ARFGAP2: variants seen among roughly 807,000 people sequenced by gnomAD.
ARFGAP2 encodes the protein ADP-ribosylation factor GTPase-activating protein 2.
Under a neutral mutation model 71.9 loss-of-function variants are expected in ARFGAP2, and 45 were observed. The observed-to-expected ratio is 0.63, with a 90% CI of 0.49 to 0.80. The LOEUF is 0.80. Among genes scored for constraint, ARFGAP2 ranks in the 30% least tolerant of loss-of-function variants. The probability of loss-of-function intolerance (pLI) is 0.00; values close to 1 mark genes in which losing one functional copy is unlikely to be tolerated. For missense variants in ARFGAP2, 633 were observed against 673.9 expected, an observed-to-expected ratio of 0.94 and a Z score of 0.67; for synonymous variants, 248 against 249.2, an observed-to-expected ratio of 1.00 and a Z score of 0.05.
Position 47,175,311 on chromosome 11 carries a change from C to A in ARFGAP2, c.267G>T (p.Thr89=). Residue 89 remains threonine (T), a splice_region_variant and synonymous_variant, in exon 4 of 16, where the codon ACG becomes ACT. Coordinates refer to ENST00000524782, the MANE Select transcript of ARFGAP2 (RefSeq NM_032389.6). Reference sequence around the variant, plus strand: ...TGCATCCATGTTGGCGAAAAAAAGCCGTCTGGAGAGCAAAGAAGAGAGCAG... The same window carrying A: ...TGCATCCATGTTGGCGAAAAAAAGCAGTCTGGAGAGCAAAGAAGAGAGCAG... ...CMQVGGNANA[T]AFFRQHGCTA... is the part of the protein sequence containing the mutation. 3 of 1,614,034 alleles carry A rather than the reference C, an allele frequency of 1.9e-6. No homozygotes were observed. The highest frequency in any genetic ancestry group is 1.1e-5 in the South Asian group (1 of 91,044).
chr11:47,172,413 T>A (rs972431386), intron 7 of ARFGAP2, 80 bp from the exon 8 acceptor site: 4 of 1,497,804 alleles, frequency 2.7e-6, no homozygotes, highest in African/African-American at 1.4e-5. Context: ...TGCAGCTTCA[T>A]GGCAAGAGCT....
At chr11:47,172,635 G>T in intron 7 of ARFGAP2, 1 of 1,326,886 alleles carries the variant, frequency 7.5e-7, no homozygotes. Context: ...GGGAGCATAT[G>T]GTGAGCACCA....
At chr11:47,167,775 A>C in intron 12 of ARFGAP2, 134 bp downstream of exon 12, 1 of 1,149,742 alleles carries the variant, frequency 8.7e-7, no homozygotes, top group Non-Finnish European at 1.2e-6. Flanking sequence ...AGTAGTGGCT[A>C]CCATATTAAA....
intron 10 of ARFGAP2, among the ~76,000 whole-genome samples, chr11:47,168,883 T>C (rs1952491969): frequency 6.6e-6 from 1 of 151,312 alleles, no homozygotes; most frequent in Non-Finnish European, 1.5e-5. Flanking sequence ...AACAACTCCC[T>C]ACCTTGTGCA....
intron 10 of ARFGAP2, among the ~76,000 whole-genome samples, chr11:47,171,057 G>A (rs908563696): frequency 1.3e-5 from 2 of 152,124 alleles, no homozygotes; most frequent in Admixed American, 6.5e-5. Flanking sequence ...ATTACAGGGA[G>A]CACAAATGGC....
chr11:47,173,399 C>T lies in ARFGAP2; in HGVS notation c.619+27G>A. 4 of 1,551,868 alleles carry T rather than the reference C, an allele frequency of 2.6e-6. No individual in the cohort carries two copies. In the East Asian group the frequency reaches 9.8e-5, roughly 38 times the overall value. ...TTGAGGTCCACCCTCTCCCAGACAC[C>T]CCACGCCTGCCCGCTGGCATACTGA... On this transcript the variant is annotated intron_variant, in intron 7 of 15. Transcript: ENST00000524782.
rs1952855392 is a variant in ARFGAP2, at chr11:47,176,827, T to G, written c.27A>C (p.Glu9Asp). MAAEPNKT[E>D]IQTLFKRLRA... ...GAAGCCTCTTAAAAAGAGTCTGGATTTCGGTCTTGTTCGGCTCCGCCGCCA... is the reference window on the plus strand; with the variant it reads ...GAAGCCTCTTAAAAAGAGTCTGGATGTCGGTCTTGTTCGGCTCCGCCGCCA... The change falls in exon 1 of 16, where the codon GAA (glutamate) becomes GAC (aspartate). Residue 9 changes from glutamate (E) to aspartate (D), a missense_variant. Glu to Asp is a conservative substitution (Grantham distance 45). Transcript: ENST00000524782. 2 of 1,613,698 alleles carry G rather than the reference T, an allele frequency of 1.2e-6. No individual in the cohort carries two copies. The highest frequency in any genetic ancestry group is 1.7e-5 in the Admixed American group (1 of 60,002).
In ARFGAP2 at chr11:47,166,366, C is replaced by T. The variant is rs748232896; in HGVS notation, c.1447G>A (p.Val483Met). The change falls in exon 15 of 16, where the codon GTG becomes ATG. Residue 483 changes from valine to methionine, a missense_variant. Physicochemically the swap from Val to Met is conservative, Grantham distance 21 (BLOSUM62 1). Transcript: ENST00000524782. ...HGAGSVSLGNVLPTADIAQFK... is the reference protein window; with the variant it reads ...HGAGSVSLGNMLPTADIAQFK... ...TGGGCAATGTCCGCTGTAGGCAGCA[C>T]GTTCCCCAGAGATACACTTCCTGTA... 4.8e-5 allele frequency: 77 copies of T among 1,614,074 alleles called. 1 individual carries two copies. In the Middle Eastern group the frequency reaches 1.8e-3, roughly 38 times the overall value.
At position 47,164,331 on chromosome 11, in the gene ARFGAP2, G is replaced by C; in HGVS notation, c.*1151C>G. 1.4e-6 allele frequency: 2 copies of C among 1,428,366 alleles called. No homozygotes were observed. Among genetic ancestry groups the C allele is most frequent in the Non-Finnish European group, 1.9e-6 (2 of 1,069,352 alleles). The allele number at this position is 1,428,366 out of a possible 1,614,324, so 88.5% of individuals were successfully genotyped here. A position where few individuals can be genotyped will look rare whatever the true frequency, so the allele number is the denominator to read the frequency against. Reference sequence around the variant, plus strand: ...TCAGACCAACAGGGAGCCAGGCCCTGCAGGGGCTTTATTTTGACACCACTT... The same window carrying C: ...TCAGACCAACAGGGAGCCAGGCCCTCCAGGGGCTTTATTTTGACACCACTT... On this transcript the variant is annotated 3_prime_UTR_variant, in exon 16 of 16. Coordinates refer to ENST00000524782, the MANE Select transcript of ARFGAP2 (RefSeq NM_032389.6).
rs765077743 is a variant in ARFGAP2, at chr11:47,171,557, C to A, written c.810G>T (p.Met270Ile). The A allele has an allele frequency of 6.2e-7, 1 of 1,614,188 alleles. No homozygotes were observed. The highest frequency in any genetic ancestry group is 2.2e-5 in the East Asian group (1 of 44,884). ...ADAKKQAEES[M>I]VASMRLAYQE... ...GGTAGGCCAGACGCATGGAGGCGACCCTTAGGGGGAACAAAGGTGTCAGTG... is the reference window on the plus strand; with the variant it reads ...GGTAGGCCAGACGCATGGAGGCGACACTTAGGGGGAACAAAGGTGTCAGTG... Residue 270 changes from methionine to isoleucine, a missense_variant and splice_region_variant, in exon 10 of 16, where the codon ATG (methionine) becomes ATT (isoleucine). Met to Ile is a conservative substitution (Grantham distance 10, BLOSUM62 1). Coordinates refer to ENST00000524782, the MANE Select transcript of ARFGAP2 (RefSeq NM_032389.6).
Position 47,165,393 on chromosome 11 carries a change from C to G in ARFGAP2, c.*89G>C. 6.7e-7 allele frequency: 1 copy of G among 1,493,546 alleles called. No individual in the cohort carries two copies. The highest frequency in any genetic ancestry group is 9.0e-7 in the Non-Finnish European group (1 of 1,111,726). 92.5% of individuals were successfully genotyped at this position (1,493,546 alleles called of 1,614,324 possible). ...CACATACGAAGTAACAAATCCTCCC[C>G]AGCTTCCACAAGGCAAAGCATCCCC... On this transcript the variant is annotated 3_prime_UTR_variant, in exon 16 of 16. Coordinates refer to ENST00000524782, the MANE Select transcript of ARFGAP2 (RefSeq NM_032389.6).
chr11:47,171,174 C>T (rs925009399), intron 10 of ARFGAP2, among the ~76,000 whole-genome samples: 5 of 152,180 alleles, frequency 3.3e-5, no homozygotes, highest in Admixed American at 1.3e-4. Flanking sequence ...AAAAACCACC[C>T]TAGTCTCTTG....
At chr11:47,167,790 A>C in intron 12 of ARFGAP2, 119 bp downstream of exon 12, 1 of 1,293,520 alleles carries the variant, frequency 7.7e-7, no homozygotes, top group Non-Finnish European at 1.0e-6. Context: ...ATTAAACAAC[A>C]CAGAGAACAT....
In ARFGAP2 at chr11:47,166,404, G is replaced by A; in HGVS notation, c.1427-18C>T. ...TACACTTCCTGTAAAACAAGAGCAG[G>A]GTGACCCAGAGCCCAGCAAGAAGCC... On this transcript the variant is annotated intron_variant, in intron 14 of 15. Transcript: ENST00000524782. 6.2e-7 allele frequency: 1 copy of A among 1,613,440 alleles called. No homozygotes were observed. The highest frequency in any genetic ancestry group is 8.5e-7 in the Non-Finnish European group (1 of 1,179,456).
rs1952829027 is a variant in ARFGAP2, at chr11:47,176,420, T to C, written c.191+96A>G. The C allele has an allele frequency of 1.3e-5, 16 of 1,225,564 alleles. No individual in the cohort carries two copies. The South Asian group carries it at 1.9e-4, about 15-fold the overall frequency. The allele number at this position is 1,225,564 out of a possible 1,614,324, so 75.9% of individuals were successfully genotyped here. A position where few individuals can be genotyped will look rare whatever the true frequency, so the allele number is the denominator to read the frequency against. ...CTCGGCCCAGAGGCTTCCCACCGAA[T>C]TCAGAGCGGCCCAAGTCGAGGCAGC... On this transcript the variant is annotated intron_variant, in intron 2 of 15. Transcript: ENST00000524782.
At position 47,164,393 on chromosome 11, in the gene ARFGAP2, C is replaced by T. The variant is rs891197457; in HGVS notation, c.*1089G>A. On this transcript the variant is annotated 3_prime_UTR_variant, in exon 16 of 16. Transcript: ENST00000524782. ...AAACAGTCCAGAAAGAAAGTCAAGTCCCTCTGGGGGAGGGGCAAGGGGAAG... is the reference window on the plus strand; with the variant it reads ...AAACAGTCCAGAAAGAAAGTCAAGTTCCTCTGGGGGAGGGGCAAGGGGAAG... The T allele has an allele frequency of 1.0e-6, 1 of 992,074 alleles. No individual in the cohort carries two copies. The highest frequency in any genetic ancestry group is 1.4e-6 in the Non-Finnish European group (1 of 707,152). The allele number at this position is 992,074 out of a possible 1,614,324, so 61.5% of individuals were successfully genotyped here. A position where few individuals can be genotyped will look rare whatever the true frequency, so the allele number is the denominator to read the frequency against.
In ARFGAP2 at chr11:47,166,398, G is replaced by C; in HGVS notation, c.1427-12C>G. On this transcript the variant is annotated splice_polypyrimidine_tract_variant and intron_variant, in intron 14 of 15. Transcript: ENST00000524782. ...CAGAGATACACTTCCTGTAAAACAA[G>C]AGCAGGGTGACCCAGAGCCCAGCAA... The C allele has an allele frequency of 1.2e-6, 2 of 1,613,648 alleles. No homozygotes were observed. The highest frequency in any genetic ancestry group is 1.7e-6 in the Non-Finnish European group (2 of 1,179,640).
chr11:47,170,755 G>C (rs1174396007), intron 10 of ARFGAP2, among the ~76,000 whole-genome samples: 1 of 152,036 alleles, frequency 6.6e-6, no homozygotes, highest in Non-Finnish European at 1.5e-5. Flanking sequence ...AGACCAGGCT[G>C]GACAACATAG....
chr11:47,164,404 A>C lies in ARFGAP2; in HGVS notation c.*1078T>G, dbSNP rs537826140. ...AAAGAAAGTCAAGTCCCTCTGGGGG[A>C]GGGGCAAGGGGAAGAGTGGTCTGTG... On this transcript the variant is annotated 3_prime_UTR_variant, in exon 16 of 16. Transcript: ENST00000524782. 3.9e-5 allele frequency: 34 copies of C among 866,990 alleles called. No individual in the cohort carries two copies. The East Asian group carries it at 6.4e-4, about 16-fold the overall frequency. 53.7% of individuals were successfully genotyped at this position (866,990 alleles called of 1,614,324 possible).
Sources: gnomAD v4.1 joint callset for allele counts (sites outside exome capture counted in the v4.1 genomes callset) on GRCh38, gnomAD v4.1.1 for gene constraint, MANE v1.5 for transcripts, NCBI Gene and HGNC (gene_info 2026-07-23, HGNC 2026-07-21) for gene names.